ELP4: variants seen among roughly 807,000 people sequenced by gnomAD.
ELP4 encodes the protein elongator complex protein 4.
A neutral mutation model predicts 48.9 loss-of-function variants in ELP4; 51 were observed. The observed-to-expected ratio is 1.04, with a 90% CI of 0.83 to 1.32. The LOEUF is 1.32. ELP4 is among the 40% of genes most tolerant of loss of function. ELP4 has a pLI of 0.00. For missense variants in ELP4, 519 were observed against 514.6 expected (o/e 1.01, Z -0.08); for synonymous variants, 210 against 189.2 (o/e 1.11, Z -0.90).
At chr11:31,527,696 A>G (rs1006325490) in intron 2 of ELP4, among the ~76,000 whole-genome samples, 3 of 152,114 alleles carry the variant, frequency 2.0e-5, no homozygotes. Context: ...TGAAACTGGC[A>G]TAACAGGTAT....
In ELP4 at chr11:31,768,939, G is replaced by A. The variant is rs577608104; in HGVS notation, c.1144-14454G>A. Among the ~76,000 whole-genome samples the A allele has an allele frequency of 5.9e-5, 9 of 152,236 alleles. No individual in the cohort carries two copies. In the East Asian group the frequency reaches 7.7e-4, roughly 13 times the overall value. ...CCTGCCTTTGGGCAGCACATGCTTC[G>A]GTTCTGAATGCCCAGAAATACTTCG... On this transcript the variant is annotated intron_variant, in intron 9 of 9. Transcript: ENST00000640961.
intron 9 of ELP4, among the ~76,000 whole-genome samples, chr11:31,710,729 T>C (rs977500064): frequency 5.9e-5 from 9 of 152,036 alleles, no homozygotes; most frequent in Non-Finnish European, 1.5e-5. Flanking sequence ...ATAAATGGAC[T>C]TTGGATACCT....
At chr11:31,749,237 A>G (rs1252809511) in intron 9 of ELP4, among the ~76,000 whole-genome samples, 3 of 152,228 alleles carry the variant, frequency 2.0e-5, no homozygotes, top group South Asian at 2.1e-4. Context: ...GGACATATTC[A>G]TGGAGGCAGA....
chr11:31,545,860 C>G (rs1462971121), intron 3 of ELP4, among the ~76,000 whole-genome samples: 1 of 151,978 alleles, frequency 6.6e-6, no homozygotes. Flanking sequence ...ATATTCAACC[C>G]AGAATTTCAT....
chr11:31,721,942 T>C (rs183925946), intron 9 of ELP4, among the ~76,000 whole-genome samples: 16 of 152,296 alleles, frequency 1.1e-4, no homozygotes, highest in African/African-American at 3.9e-4. Context: ...CTGACCGATG[T>C]TGTGGCCCTC....
intron 4 of ELP4, 38 bp from the exon 5 acceptor site, chr11:31,603,730 T>C (rs1443563311): frequency 4.4e-6 from 7 of 1,577,918 alleles, no homozygotes; most frequent in Admixed American, 1.9e-5. Context: ...AGCTTAAAAA[T>C]AATTGTTTAA....
Position 31,604,075 on chromosome 11 carries a change from C to A in ELP4, c.653+168C>A, listed in dbSNP as rs534697297. 1.3e-5 allele frequency among the ~76,000 whole-genome samples: 2 copies of A among 151,764 alleles called. 1 individual carries two copies. The highest frequency in any genetic ancestry group is 4.8e-5 in the African/African-American group (2 of 41,520). On this transcript the variant is annotated intron_variant, in intron 5 of 9. Coordinates refer to ENST00000640961, the MANE Select transcript of ELP4 (RefSeq NM_019040.5). Reference sequence around the variant, plus strand: ...AGTCTATGTATTTTTCATAGTATTTCATTATCTGTGGCTTTCTTTTTTCTC... The same window carrying A: ...AGTCTATGTATTTTTCATAGTATTTAATTATCTGTGGCTTTCTTTTTTCTC...
intron 9 of ELP4, among the ~76,000 whole-genome samples, chr11:31,743,713 C>G (rs1947512220): frequency 1.3e-5 from 2 of 151,808 alleles, no homozygotes; most frequent in Admixed American, 6.6e-5. Context: ...AACAAAGACA[C>G]AACATACCAG....
At chr11:31,720,081 T>C (rs1316754091) in intron 9 of ELP4, 1 of 151,994 alleles carries the variant, frequency 6.6e-6, no homozygotes, top group African/African-American at 2.4e-5. Context: ...TATTGACTAC[T>C]TCATCATCTA....
chr11:31,509,949 G>T lies in ELP4; in HGVS notation c.165G>T (p.Ser55=), dbSNP rs1179728298. The part of the protein sequence containing the change: ...RLVSIAGTRP[S]VRNGQLLVST... The stretch of plus-strand genomic sequence containing the variant: ...TGTCCATTGCGGGCACGCGACCGTC[G>T]GTGCGGAATGGACAGCTGCTGGTAT... Residue 55 remains serine, a synonymous_variant, in exon 1 of 10, where the codon TCG becomes TCT. Coordinates refer to ENST00000640961, the MANE Select transcript of ELP4 (RefSeq NM_019040.5). 1.9e-6 allele frequency: 3 copies of T among 1,613,154 alleles called. No individual in the cohort carries two copies. Among genetic ancestry groups the T allele is most frequent in the Non-Finnish European group, 8.5e-7 (1 of 1,180,028 alleles).
chr11:31,527,633 T>C (rs1456044869), intron 2 of ELP4, among the ~76,000 whole-genome samples: 1 of 152,020 alleles, frequency 6.6e-6, no homozygotes, highest in African/African-American at 2.4e-5. Context: ...ATTTTGTCTG[T>C]TCTTCATCTT....
chr11:31,539,956 G>T (rs1210979157), intron 3 of ELP4, among the ~76,000 whole-genome samples, 173 bp downstream of exon 3: 1 of 152,054 alleles, frequency 6.6e-6, no homozygotes, highest in Non-Finnish European at 1.5e-5. Context: ...TTGAACATAG[G>T]ATTACATTTT....
intron 9 of ELP4, among the ~76,000 whole-genome samples, chr11:31,709,550 C>T (rs1408131501): frequency 6.6e-6 from 1 of 152,132 alleles, no homozygotes; most frequent in East Asian, 1.9e-4. Context: ...AATTAATATA[C>T]CACACCTCAG....
At chr11:31,554,571 T>A (rs1240968180) in intron 3 of ELP4, among the ~76,000 whole-genome samples, 1 of 152,118 alleles carries the variant, frequency 6.6e-6, no homozygotes, top group East Asian at 1.9e-4. Flanking sequence ...ATAGTTACCA[T>A]TTTTGGTGTG....
chr11:31,604,757 T>G (rs1317876205), intron 5 of ELP4, among the ~76,000 whole-genome samples: 4 of 151,938 alleles, frequency 2.6e-5, no homozygotes, highest in African/African-American at 9.7e-5. Flanking sequence ...TAGTGGAGAC[T>G]ACTGTACTCA....
chr11:31,623,391 A>ATATATATATATATATATATAT (rs1944668599), intron 5 of ELP4, among the ~76,000 whole-genome samples: 3 of 61,674 alleles, frequency 4.9e-5, no homozygotes, highest in Non-Finnish European at 6.7e-5. Flanking sequence ...ATATATATAT[A>ATATATATATATATATATATAT]AAACTAGAAA....
At chr11:31,585,699 A>G (rs1366245862) in intron 3 of ELP4, among the ~76,000 whole-genome samples, 1 of 152,250 alleles carries the variant, frequency 6.6e-6, no homozygotes, top group East Asian at 1.9e-4. Flanking sequence ...GAATAATTGC[A>G]TAATTAAAAG....
intron 3 of ELP4, among the ~76,000 whole-genome samples, chr11:31,572,364 TG>T (rs561233746): frequency 1.2e-4 from 19 of 152,330 alleles, no homozygotes; most frequent in Middle Eastern, 3.4e-3. Flanking sequence ...CAGAATCAAA[TG>T]TAATTAGACC....
At chr11:31,621,627 A>G (rs1055116232) in intron 5 of ELP4, among the ~76,000 whole-genome samples, 3 of 151,966 alleles carry the variant, frequency 2.0e-5, no homozygotes, top group Non-Finnish European at 2.9e-5. Flanking sequence ...TCTAGTTTAT[A>G]TATTTGTAAG....
Sources: allele counts gnomAD v4.1 joint callset (sites outside exome capture counted in the v4.1 genomes callset), GRCh38; gene constraint gnomAD v4.1.1; transcripts MANE v1.5; gene names NCBI Gene and HGNC (gene_info 2026-07-23, HGNC 2026-07-21).